The following TENT4B variants were observed in gnomAD, a reference collection of about 807,000 sequenced individuals.
TENT4B encodes the protein PAP associated domain containing 5.
In TENT4B, 10 loss-of-function variants were observed where a neutral mutation model predicts 75.0. That is an observed-to-expected ratio of 0.13 (90% confidence interval 0.08 to 0.23). The LOEUF is 0.23. TENT4B is among the 10% of genes least tolerant of loss of function. The probability of loss-of-function intolerance (pLI) is 1.00; values close to 1 mark genes in which losing one functional copy is unlikely to be tolerated. For missense variants in TENT4B, 579 were observed against 893.8 expected (o/e 0.65, Z 4.49); for synonymous variants, 350 against 357.7 (o/e 0.98, Z 0.24).
chr16:50,231,969 G>GA lies in TENT4B; in HGVS notation c.*2643dup, dbSNP rs1253647297. On this transcript the variant is annotated 3_prime_UTR_variant, in exon 12 of 12. Transcript: ENST00000561678. The stretch of plus-strand genomic sequence containing the variant: ...TATATTAGAGTCCATTCATATCCAT[G>GA]AATCATAACCTTCCTTTGCTAATAC... The GA allele has an allele frequency of 9.1e-6, 9 of 983,778 alleles. No homozygotes were observed. Among genetic ancestry groups the GA allele is most frequent in the African/African-American group, 7.0e-5 (4 of 57,330 alleles). 60.9% of individuals were successfully genotyped at this position (983,778 alleles called of 1,614,324 possible). A position where few individuals can be genotyped will look rare whatever the true frequency, so the allele number is the denominator to read the frequency against.
At position 50,233,177 on chromosome 16, in the gene TENT4B, T is replaced by C; in HGVS notation, c.*3849T>C. The C allele has an allele frequency of 2.0e-6, 2 of 984,706 alleles. No homozygotes were observed. Among genetic ancestry groups the C allele is most frequent in the African/African-American group, 1.7e-5 (1 of 57,352 alleles). 61.0% of individuals were successfully genotyped at this position (984,706 alleles called of 1,614,324 possible). A position where few individuals can be genotyped will look rare whatever the true frequency, so the allele number is the denominator to read the frequency against. Reference sequence around the variant, plus strand: ...ATTTTCATCAGGGTCATAGTTCATCTAGTAAAATATTTAGAGAATGATGTT... The same window carrying C: ...ATTTTCATCAGGGTCATAGTTCATCCAGTAAAATATTTAGAGAATGATGTT... On this transcript the variant is annotated 3_prime_UTR_variant, in exon 12 of 12. Transcript: ENST00000561678.
intron 1 of TENT4B, among the ~76,000 whole-genome samples, chr16:50,194,052 A>G (rs1472352042): frequency 6.6e-6 from 1 of 152,208 alleles, no homozygotes; most frequent in Non-Finnish European, 1.5e-5. Flanking sequence ...CAGGATTTCA[A>G]GTCCCATGGC....
At chr16:50,174,669 A>G (rs577999987) in intron 1 of TENT4B, among the ~76,000 whole-genome samples, 1 of 149,910 alleles carries the variant, frequency 6.7e-6, no homozygotes, top group Non-Finnish European at 1.5e-5. Context: ...ATTAGAACTT[A>G]TTCTTTCTAC....
chr16:50,153,105 C>G (rs1255741427), upstream of TENT4B: 2 of 1,260,278 alleles, frequency 1.6e-6, no homozygotes, highest in East Asian at 3.4e-5. Context: ...GCGCCGCGGC[C>G]TCTGTGACGC....
intron 1 of TENT4B, among the ~76,000 whole-genome samples, chr16:50,173,682 T>TTTG (rs576792685): frequency 1.7e-3 from 256 of 152,212 alleles, no homozygotes; most frequent in African/African-American, 5.4e-3. Context: ...CATCTGCTTA[T>TTTG]TTGTTGTTGT....
chr16:50,210,413 G>A (rs757042203), intron 1 of TENT4B, among the ~76,000 whole-genome samples: 3 of 152,198 alleles, frequency 2.0e-5, no homozygotes, highest in Non-Finnish European at 2.9e-5. Context: ...ATAGTCAGGC[G>A]CTGCGCCTAT....
chr16:50,216,218 T>G, intron 4 of TENT4B, 23 bp downstream of exon 4: 1 of 1,613,122 alleles, frequency 6.2e-7, no homozygotes, highest in Non-Finnish European at 8.5e-7. Context: ...GCATTTCATA[T>G]TAAAATCCTT....
chr16:50,215,675 A>G (rs2031515602), intron 3 of TENT4B, among the ~76,000 whole-genome samples: 1 of 152,206 alleles, frequency 6.6e-6, no homozygotes, highest in Admixed American at 6.5e-5. Flanking sequence ...AGCATGCTGG[A>G]TACCTGTTCT....
Position 50,230,067 on chromosome 16 carries a change from T to G in TENT4B, c.*739T>G. 1 of 985,298 alleles carries G rather than the reference T, an allele frequency of 1.0e-6. No individual in the cohort carries two copies. Among genetic ancestry groups the G allele is most frequent in the Non-Finnish European group, 1.2e-6 (1 of 829,836 alleles). 61.0% of individuals were successfully genotyped at this position (985,298 alleles called of 1,614,324 possible). A position where few individuals can be genotyped will look rare whatever the true frequency, so the allele number is the denominator to read the frequency against. ...ACCCTTGTGTCCTGCTGCAAAAATT[T>G]TTCCTCTCTAAAGAAAAGGTTTATG... On this transcript the variant is annotated 3_prime_UTR_variant, in exon 12 of 12. Coordinates refer to ENST00000561678, the MANE Select transcript of TENT4B (RefSeq NM_001365324.3).
chr16:50,221,189 G>C (rs528876732), intron 5 of TENT4B, among the ~76,000 whole-genome samples: 1 of 152,288 alleles, frequency 6.6e-6, no homozygotes, highest in African/African-American at 2.4e-5. Flanking sequence ...CCAGGAGCTG[G>C]AGATTGCAAT....
chr16:50,195,492 A>G (rs2030170327), intron 1 of TENT4B, among the ~76,000 whole-genome samples: 1 of 152,234 alleles, frequency 6.6e-6, no homozygotes, highest in Non-Finnish European at 1.5e-5. Flanking sequence ...GAGTGAGCCC[A>G]TAGCAGAGTC....
At chr16:50,168,749 G>A (rs903011985) in intron 1 of TENT4B, among the ~76,000 whole-genome samples, 3 of 151,906 alleles carry the variant, frequency 2.0e-5, no homozygotes, top group Non-Finnish European at 4.4e-5. Flanking sequence ...AGGTTCAAGC[G>A]ATTCTCCTGC....
intron 1 of TENT4B, among the ~76,000 whole-genome samples, chr16:50,154,629 C>T (rs1208014301): frequency 6.6e-6 from 1 of 151,854 alleles, no homozygotes; most frequent in Non-Finnish European, 1.5e-5. Context: ...ACACCTTTTT[C>T]CCCATCATCA....
chr16:50,183,258 G>A (rs111529120), intron 1 of TENT4B, among the ~76,000 whole-genome samples: 3,898 of 151,964 alleles, frequency 0.026, 53 homozygotes, highest in South Asian at 0.05. Flanking sequence ...TGGTCAGGCT[G>A]GTCTCAAACT....
intron 1 of TENT4B, among the ~76,000 whole-genome samples, chr16:50,187,907 A>G (rs1392144673): frequency 1.3e-5 from 2 of 152,116 alleles, no homozygotes; most frequent in African/African-American, 2.4e-5. Flanking sequence ...TGCATAAAAT[A>G]TTTAAACTTG....
In TENT4B at chr16:50,153,449, C is replaced by G; in HGVS notation, c.-173C>G. 1.1e-6 allele frequency: 1 copy of G among 913,276 alleles called. No individual in the cohort carries two copies. The highest frequency in any genetic ancestry group is 1.3e-6 in the Non-Finnish European group (1 of 767,040). The allele number at this position is 913,276 out of a possible 1,614,324, so 56.6% of individuals were successfully genotyped here. A position where few individuals can be genotyped will look rare whatever the true frequency, so the allele number is the denominator to read the frequency against. On this transcript the variant is annotated 5_prime_UTR_variant, in exon 1 of 12. Coordinates refer to ENST00000561678, the MANE Select transcript of TENT4B (RefSeq NM_001365324.3). ...CGGGAGCGACGCCGCCGGCGCCGGC[C>G]GGGCTCCCTGCGCGACCGCGCCGCC...
At chr16:50,172,011 G>C (rs532642203) in intron 1 of TENT4B, among the ~76,000 whole-genome samples, 2 of 152,104 alleles carry the variant, frequency 1.3e-5, no homozygotes, top group South Asian at 4.2e-4. Context: ...CCACACTCTA[G>C]CCTGTGTGAC....
At chr16:50,224,175 T>C (rs1288762467) in intron 7 of TENT4B, among the ~76,000 whole-genome samples, 2 of 152,194 alleles carry the variant, frequency 1.3e-5, no homozygotes, top group East Asian at 1.9e-4. Flanking sequence ...TGTTTATTCA[T>C]TGAGGAAACA....
At chr16:50,218,545 G>A (rs1240988173) in intron 5 of TENT4B, among the ~76,000 whole-genome samples, 4 of 151,974 alleles carry the variant, frequency 2.6e-5, no homozygotes, top group African/African-American at 9.6e-5. Context: ...TTAGAGATGG[G>A]GTTTCACCAT....
Sources: allele counts gnomAD v4.1 joint callset (sites outside exome capture counted in the v4.1 genomes callset), GRCh38; gene constraint gnomAD v4.1.1; transcripts MANE v1.5; gene names NCBI Gene and HGNC (gene_info 2026-07-23, HGNC 2026-07-21).